ATF6: variants seen among roughly 807,000 people sequenced by gnomAD.
ATF6 encodes the protein cyclic AMP-dependent transcription factor ATF-6 alpha.
A neutral mutation model predicts 83.6 loss-of-function variants in ATF6; 53 were observed. That is an observed-to-expected ratio of 0.63 (90% CI 0.51 to 0.80). The LOEUF is 0.80. Among genes scored for constraint, ATF6 ranks in the 30% least tolerant of loss-of-function variants. The pLI is 0.00. For synonymous variants in ATF6, 288 were observed against 285.8 expected (o/e 1.01, Z -0.08); for missense variants, 744 against 797.9 (o/e 0.93, Z 0.81).
chr1:161,839,497 G>A (rs986813601), intron 9 of ATF6, among the ~76,000 whole-genome samples: 17 of 152,012 alleles, frequency 1.1e-4, no homozygotes, highest in African/African-American at 4.1e-4. Context: ...GAGGAGCTGG[G>A]ACCACAGGCA....
At chr1:161,955,527 A>G (rs1240879181) in intron 15 of ATF6, among the ~76,000 whole-genome samples, 2 of 152,216 alleles carry the variant, frequency 1.3e-5, no homozygotes, top group Non-Finnish European at 2.9e-5. Flanking sequence ...AGCTGTTTCC[A>G]GTTTGTCCTC....
At chr1:161,843,602 A>C (rs1358281316) in intron 9 of ATF6, among the ~76,000 whole-genome samples, 2 of 152,108 alleles carry the variant, frequency 1.3e-5, no homozygotes, top group Admixed American at 1.3e-4. Context: ...TTGAGCCTTC[A>C]TTTCCTTAGT....
intron 9 of ATF6, among the ~76,000 whole-genome samples, chr1:161,831,612 G>A (rs948592738): frequency 6.6e-5 from 10 of 152,096 alleles, no homozygotes; most frequent in African/African-American, 2.2e-4. Flanking sequence ...ATACTATGCA[G>A]CCATAAAAAA....
At chr1:161,843,245 A>G (rs912233224) in intron 9 of ATF6, among the ~76,000 whole-genome samples, 1 of 151,932 alleles carries the variant, frequency 6.6e-6, no homozygotes, top group African/African-American at 2.4e-5. Flanking sequence ...ACTTGGGGAG[A>G]GTATGCAAAC....
intron 14 of ATF6, among the ~76,000 whole-genome samples, chr1:161,871,716 C>T (rs916128675): frequency 9.2e-5 from 14 of 151,730 alleles, no homozygotes; most frequent in Non-Finnish European, 1.8e-4. Flanking sequence ...CACTCAGTGA[C>T]ATCTGCTATG....
chr1:161,872,494 G>A (rs1277172235), intron 14 of ATF6, among the ~76,000 whole-genome samples: 2 of 151,536 alleles, frequency 1.3e-5, no homozygotes, highest in Non-Finnish European at 3.0e-5. Context: ...AGTGTAGGAG[G>A]AACAAGAGCC....
intron 2 of ATF6, among the ~76,000 whole-genome samples, chr1:161,780,332 T>C (rs901437311): frequency 2.0e-5 from 3 of 152,094 alleles, no homozygotes; most frequent in Non-Finnish European, 4.4e-5. Context: ...AATTACTAGA[T>C]ACATTTTTAC....
At chr1:161,853,992 A>G (rs1686701722) in intron 12 of ATF6, among the ~76,000 whole-genome samples, 1 of 152,238 alleles carries the variant, frequency 6.6e-6, no homozygotes, top group Non-Finnish European at 1.5e-5. Context: ...ACTCTAGTGC[A>G]GAGCTAAACA....
chr1:161,808,570 A>T (rs1445443701), intron 7 of ATF6, among the ~76,000 whole-genome samples: 1 of 151,560 alleles, frequency 6.6e-6, no homozygotes, highest in East Asian at 1.9e-4. Context: ...TTAAATTTTT[A>T]TTTATTTATT....
At chr1:161,939,243 C>T (rs1479393991) in intron 15 of ATF6, among the ~76,000 whole-genome samples, 1 of 152,206 alleles carries the variant, frequency 6.6e-6, no homozygotes, top group Non-Finnish European at 1.5e-5. Context: ...TCTCATTTGA[C>T]TCTTTCTCTT....
chr1:161,850,282 C>T (rs908003769), intron 10 of ATF6, among the ~76,000 whole-genome samples: 10 of 151,848 alleles, frequency 6.6e-5, no homozygotes, highest in Admixed American at 4.6e-4. Context: ...ATCCTGTTCC[C>T]TCTCTACCTC....
Position 161,819,741 on chromosome 1 carries a change from G to T in ATF6, c.1018G>T (p.Ala340Ser). 1.2e-6 allele frequency: 2 copies of T among 1,612,944 alleles called. No homozygotes were observed. The highest frequency in any genetic ancestry group is 1.1e-5 in the South Asian group (1 of 90,930). The stretch of plus-strand genomic sequence containing the variant: ...GCTAGGGTTAGAGGCGAGATTAAAG[G>T]CTGCCCTCTCAGAAAACGAGCAACT... ...YMLGLEARLKAALSENEQLKK... is the reference protein window; with the variant it reads ...YMLGLEARLKSALSENEQLKK... Residue 340 changes from alanine (A) to serine (S), a missense_variant, in exon 8 of 16, where the codon GCT becomes TCT. Ala to Ser is a moderately conservative substitution (Grantham distance 99). Coordinates refer to ENST00000367942, the MANE Select transcript of ATF6 (RefSeq NM_007348.4).
At chr1:161,898,045 A>G (rs1687711180) in intron 14 of ATF6, among the ~76,000 whole-genome samples, 1 of 152,154 alleles carries the variant, frequency 6.6e-6, no homozygotes, top group Non-Finnish European at 1.5e-5. Context: ...TCCATTAAGT[A>G]TAGATTTTTT....
chr1:161,792,391 G>A, intron 6 of ATF6, 64 bp downstream of exon 6: 2 of 1,470,336 alleles, frequency 1.4e-6, no homozygotes, highest in Non-Finnish European at 1.9e-6. Context: ...TGTGTCATAT[G>A]ATTTGTTTTA....
intron 15 of ATF6, among the ~76,000 whole-genome samples, chr1:161,928,600 C>T (rs1688367687): frequency 1.3e-5 from 2 of 148,624 alleles, no homozygotes; most frequent in Admixed American, 1.4e-4. Flanking sequence ...TTTTCCATGA[C>T]ATTTAAATAT....
intron 9 of ATF6, among the ~76,000 whole-genome samples, chr1:161,835,638 T>G (rs1299043809): frequency 6.6e-6 from 1 of 152,228 alleles, no homozygotes; most frequent in African/African-American, 2.4e-5. Flanking sequence ...AGGGAAGTTT[T>G]TATTAAAATG....
intron 1 of ATF6, among the ~76,000 whole-genome samples, chr1:161,777,276 C>T (rs1481395836): frequency 1.3e-5 from 2 of 152,196 alleles, no homozygotes; most frequent in Non-Finnish European, 2.9e-5. Context: ...TTATATGTTT[C>T]TTGGCTCTGC....
In ATF6 at chr1:161,821,812, G is replaced by A. The variant is rs112689091; in HGVS notation, c.1187+651G>A. Reference sequence around the variant, plus strand: ...TTGTATTGAGTATAGACTGCAGTGAGGAGAAACTATTGGCAGAGAAAGCAT... The same window carrying A: ...TTGTATTGAGTATAGACTGCAGTGAAGAGAAACTATTGGCAGAGAAAGCAT... On this transcript the variant is annotated intron_variant, in intron 9 of 15. Coordinates refer to ENST00000367942, the MANE Select transcript of ATF6 (RefSeq NM_007348.4). Among the ~76,000 whole-genome samples, 1,507 of 152,252 alleles carry A rather than the reference G, an allele frequency of 9.9e-3. 8 individuals carry two copies. The highest frequency in any genetic ancestry group is 0.017 in the South Asian group (83 of 4,822).
At chr1:161,791,086 CTGTGTGTGTGTGTGTG>C (rs758372809) in intron 4 of ATF6, among the ~76,000 whole-genome samples, 12 of 86,226 alleles carry the variant, frequency 1.4e-4, no homozygotes, top group African/African-American at 9.1e-4. Flanking sequence ...GTGTGTGTCT[CTGTGTGTGTGTGTGTG>C]TCTCTGTGTG....
Sources: gnomAD v4.1 joint callset for allele counts (sites outside exome capture counted in the v4.1 genomes callset) on GRCh38, gnomAD v4.1.1 for gene constraint, MANE v1.5 for transcripts, NCBI Gene and HGNC (gene_info 2026-07-23, HGNC 2026-07-21) for gene names.